Variants in USP53 observed in about 807,000 individuals in gnomAD.
The protein encoded by USP53 is ubiquitin carboxyl-terminal hydrolase 53.
A neutral mutation model predicts 94.9 loss-of-function variants in USP53; 71 were observed. That is an observed-to-expected ratio of 0.75 (90% CI 0.62 to 0.91). The LOEUF (loss-of-function observed/expected upper bound fraction) is 0.91. USP53 is among the 40% of genes least tolerant of loss of function. The pLI is 0.00. For missense variants in USP53, 1,173 were observed against 1,281.0 expected (o/e 0.92, Z 1.29); for synonymous variants, 375 against 422.7 (o/e 0.89, Z 1.39).
chr4:119,285,709 C>G (rs1212042473), intron 17 of USP53, among the ~76,000 whole-genome samples: 1 of 151,780 alleles, frequency 6.6e-6, no homozygotes, highest in Non-Finnish European at 1.5e-5. Flanking sequence ...GGCAAACTAC[C>G]AAGTTTGTTC....
At position 119,214,096 on chromosome 4, in the gene USP53, C is replaced by A. The variant is rs1743350537; in HGVS notation, c.-915C>A. ...TCCGTGATGATGGTCTAAGCAAAGA[C>A]CCTTCGTCCTGTTAAAGATAAATTA... On this transcript the variant is annotated 5_prime_UTR_variant, in exon 2 of 19. Coordinates refer to ENST00000692078, the MANE Select transcript of USP53 (RefSeq NM_001371395.1). 1 of 149,214 alleles carries A rather than the reference C, an allele frequency of 6.7e-6. No homozygotes were observed. Among genetic ancestry groups the A allele is most frequent in the South Asian group, 2.1e-4 (1 of 4,736 alleles). The allele number at this position is 149,214 out of a possible 1,614,324, so 9.2% of individuals were successfully genotyped here. A position where few individuals can be genotyped will look rare whatever the true frequency, so the allele number is the denominator to read the frequency against.
chr4:119,265,911 A>C (rs1439399141), intron 12 of USP53, among the ~76,000 whole-genome samples: 2 of 152,184 alleles, frequency 1.3e-5, no homozygotes, highest in Non-Finnish European at 2.9e-5. Flanking sequence ...ATTAAAATAC[A>C]CCCATTTTAA....
At chr4:119,265,161 T>G (rs1220029195) in intron 12 of USP53, among the ~76,000 whole-genome samples, 1 of 152,046 alleles carries the variant, frequency 6.6e-6, no homozygotes, top group Non-Finnish European at 1.5e-5. Flanking sequence ...GATTTTGGGG[T>G]GAGGATTACA....
At chr4:119,253,226 A>G (rs1261735364) in intron 7 of USP53, among the ~76,000 whole-genome samples, 5 of 152,204 alleles carry the variant, frequency 3.3e-5, no homozygotes, top group East Asian at 1.9e-4. Context: ...GTAGATGTCT[A>G]TTAGGTCTGC....
At chr4:119,213,660 A>ATATATATATATATATATATATATATG in intron 1 of USP53, among the ~76,000 whole-genome samples, 5 of 117,770 alleles carry the variant, frequency 4.2e-5, no homozygotes, top group African/African-American at 1.8e-4. Flanking sequence ...ATATATATAT[A>ATATATATATATATATATATATATATG]TGTGTGTGTG....
At chr4:119,219,115 T>C (rs1199660113) in intron 3 of USP53, 2 of 152,100 alleles carry the variant, frequency 1.3e-5, no homozygotes, top group Non-Finnish European at 2.9e-5. Flanking sequence ...AAAAAATCCA[T>C]ACACATAAAA....
intron 17 of USP53, among the ~76,000 whole-genome samples, chr4:119,278,196 C>T (rs199816242): frequency 0.28 from 40,081 of 144,774 alleles, 5,534 homozygotes; most frequent in East Asian, 0.37. Flanking sequence ...TTCCTAGTCT[C>T]GATGGTCTTT....
rs1280299813 is a variant in USP53 at position 119,292,704 on chromosome 4, CA to C, written c.2716del (p.Arg906AspfsTer26). 1 of 1,614,046 alleles carries C rather than the reference CA, an allele frequency of 6.2e-7. No individual in the cohort carries two copies. Among genetic ancestry groups the C allele is most frequent in the East Asian group, 2.2e-5 (1 of 44,882 alleles). ...CAGAATGTATAATTCGGTCAGCCAG[CA>C]GATCTGATGGGTGTCAGATGCCAAA... Reference protein sequence around the residue: ...STECIIRSASRSDGCQMPKLF... With the variant: ...STECIIRSASXSDGCQMPKLF... On this transcript the variant is annotated frameshift_variant, in exon 19 of 19. Transcript: ENST00000692078. LOFTEE classifies it low-confidence loss of function (END_TRUNC).
chr4:119,285,330 C>G (rs1196065356), intron 17 of USP53, among the ~76,000 whole-genome samples: 1 of 151,730 alleles, frequency 6.6e-6, no homozygotes. Context: ...GAGGTAAGTA[C>G]ATAGTAGGTT....
chr4:119,216,644 G>C (rs1447833579), intron 2 of USP53, among the ~76,000 whole-genome samples: 1 of 152,060 alleles, frequency 6.6e-6, no homozygotes, highest in South Asian at 2.1e-4. Flanking sequence ...TTATAAATTA[G>C]GTTTTTCATA....
In USP53 at chr4:119,295,263, T is replaced by TTA. The variant is rs5861420; in HGVS notation, c.*2053_*2054insAT. On this transcript the variant is annotated 3_prime_UTR_variant, in exon 19 of 19. Transcript: ENST00000692078. ...CAAACTAGAAAATGCCCATTTATTT[T>TTA]TGTTGATTCAACACTCCAGATACAG... The TTA allele has an allele frequency of 0.4, 61,096 of 151,710 alleles. 12,516 individuals carry two copies. Among genetic ancestry groups the TTA allele is most frequent in the Non-Finnish European group, 0.46 (30,998 of 67,856 alleles). 9.4% of individuals were successfully genotyped at this position (151,710 alleles called of 1,614,324 possible). A position where few individuals can be genotyped will look rare whatever the true frequency, so the allele number is the denominator to read the frequency against.
intron 6 of USP53, among the ~76,000 whole-genome samples, chr4:119,246,903 A>G (rs891877733): frequency 6.6e-6 from 1 of 152,126 alleles, no homozygotes; most frequent in Non-Finnish European, 1.5e-5. Context: ...ATTTTTTTAC[A>G]TTCTTGAATA....
chr4:119,240,834 T>C (rs1747432235), intron 5 of USP53, among the ~76,000 whole-genome samples: 1 of 152,112 alleles, frequency 6.6e-6, no homozygotes, highest in Non-Finnish European at 1.5e-5. Flanking sequence ...AGAGAAGCAG[T>C]TGGTATTAAG....
At position 119,239,670 on chromosome 4, in the gene USP53, T is replaced by C; in HGVS notation, c.-90T>C. 2 of 1,421,024 alleles carry C rather than the reference T, an allele frequency of 1.4e-6. No homozygotes were observed. The highest frequency in any genetic ancestry group is 1.9e-6 in the Non-Finnish European group (2 of 1,060,398). The allele number at this position is 1,421,024 out of a possible 1,614,324, so 88.0% of individuals were successfully genotyped here. On this transcript the variant is annotated 5_prime_UTR_variant, in exon 5 of 19. Transcript: ENST00000692078. The stretch of plus-strand genomic sequence containing the variant: ...TTAAAATAGACTGCAGTGGATTTAA[T>C]TGGACAATTCAAGACATCCATTTTA...
At chr4:119,218,199 AAAGTT>A (rs1223101904) in intron 3 of USP53, 3 of 152,248 alleles carry the variant, frequency 2.0e-5, no homozygotes, top group African/African-American at 7.2e-5. Context: ...CTGGAAAGAT[AAAGTT>A]GCCATTGGCT....
chr4:119,242,840 A>C (rs142830339), intron 5 of USP53, among the ~76,000 whole-genome samples: 14 of 152,346 alleles, frequency 9.2e-5, no homozygotes, highest in Admixed American at 6.5e-4. Context: ...AAATTGTAGA[A>C]TATGTCTTGT....
In USP53 at chr4:119,245,319, C is replaced by T. The variant is rs748413016; in HGVS notation, c.145-18C>T. On this transcript the variant is annotated intron_variant, in intron 5 of 18. Coordinates refer to ENST00000692078, the MANE Select transcript of USP53 (RefSeq NM_001371395.1). ...AATTTGTTTATTTCTTTTTCCTTAA[C>T]ATCTCCCTGTTTTTTAGGTTTTATG... 3.7e-6 allele frequency: 6 copies of T among 1,608,960 alleles called. No individual in the cohort carries two copies. The African/African-American group carries it at 5.4e-5, about 14-fold the overall frequency.
At chr4:119,225,112 T>C (rs1444670885) in intron 3 of USP53, among the ~76,000 whole-genome samples, 2 of 152,136 alleles carry the variant, frequency 1.3e-5, no homozygotes, top group African/African-American at 4.8e-5. Context: ...AGTGAAAGAA[T>C]GGACATCATT....
intron 9 of USP53, among the ~76,000 whole-genome samples, chr4:119,257,389 G>A (rs1228003248): frequency 6.6e-6 from 1 of 152,138 alleles, no homozygotes; most frequent in African/African-American, 2.4e-5. Flanking sequence ...GCAGTGAGCT[G>A]AGATTGCGCC....
Sources: gnomAD v4.1 joint callset for allele counts (sites outside exome capture counted in the v4.1 genomes callset) on GRCh38, gnomAD v4.1.1 for gene constraint, MANE v1.5 for transcripts, NCBI Gene and HGNC (gene_info 2026-07-23, HGNC 2026-07-21) for gene names.